Variants in DPYS observed in about 807,000 individuals in gnomAD.
DPYS encodes dihydropyrimidine amidohydrolase.
A neutral mutation model predicts 50.3 loss-of-function variants in DPYS; 39 were observed. That is an observed-to-expected ratio of 0.78 (90% CI 0.60 to 1.01). The LOEUF (loss-of-function observed/expected upper bound fraction) is 1.01, where lower values mean the gene tolerates loss of function less well. Ranked by LOEUF, DPYS falls within the 50% of genes least tolerant of loss-of-function variation. The pLI is 0.00. For synonymous variants in DPYS, 245 were observed against 250.7 expected, an observed-to-expected ratio of 0.98 and a Z score of 0.22; for missense variants, 659 against 680.9, an observed-to-expected ratio of 0.97 and a Z score of 0.36.
chr8:104,398,852 C>G (rs936000529), intron 7 of DPYS, among the ~76,000 whole-genome samples: 1 of 152,124 alleles, frequency 6.6e-6, no homozygotes, highest in African/African-American at 2.4e-5. Flanking sequence ...TGTAACTTGC[C>G]CAAAGTGGCT....
intron 4 of DPYS, among the ~76,000 whole-genome samples, chr8:104,442,291 A>C (rs537306417): frequency 8.5e-5 from 13 of 152,334 alleles, no homozygotes; most frequent in Non-Finnish European, 1.9e-4. Flanking sequence ...TTTGCTCCTA[A>C]TGGAATTCTA....
At chr8:104,397,401 T>C (rs180729509) in intron 7 of DPYS, among the ~76,000 whole-genome samples, 191 of 152,312 alleles carry the variant, frequency 1.3e-3, no homozygotes, top group African/African-American at 3.2e-3. Context: ...AATTAAAAGA[T>C]TGCATGATTG....
chr8:104,460,458 C>T (rs183853144), intron 1 of DPYS, among the ~76,000 whole-genome samples: 119 of 152,276 alleles, frequency 7.8e-4, no homozygotes, highest in African/African-American at 2.7e-3. Flanking sequence ...GAGGCCTCCC[C>T]GGTCATGCCT....
intron 7 of DPYS, among the ~76,000 whole-genome samples, chr8:104,395,741 G>T (rs1811561565): frequency 6.6e-6 from 1 of 151,988 alleles, no homozygotes; most frequent in Non-Finnish European, 1.5e-5. Flanking sequence ...TGATGAATAT[G>T]AATAGAACTG....
chr8:104,441,083 C>T (rs1324961924), intron 4 of DPYS, among the ~76,000 whole-genome samples: 1 of 152,102 alleles, frequency 6.6e-6, no homozygotes, highest in African/African-American at 2.4e-5. Flanking sequence ...GATCCCATGC[C>T]TTGGTCACAT....
chr8:104,402,287 T>C (rs539128232), intron 7 of DPYS, among the ~76,000 whole-genome samples: 12 of 152,360 alleles, frequency 7.9e-5, no homozygotes, highest in Admixed American at 7.8e-4. Flanking sequence ...GATTTCCACT[T>C]AGCATAAATA....
chr8:104,429,336 C>T (rs1812865320), intron 5 of DPYS: 4 of 596,262 alleles, frequency 6.7e-6, no homozygotes, highest in Admixed American at 3.0e-5. Flanking sequence ...GATCTGATTT[C>T]TGAGAGTCTA....
At chr8:104,464,523 C>A (rs1416776805) in intron 1 of DPYS, among the ~76,000 whole-genome samples, 4 of 152,202 alleles carry the variant, frequency 2.6e-5, no homozygotes, top group Non-Finnish European at 5.9e-5. Context: ...TAGCAGCTCC[C>A]CACCTTGCAG....
At chr8:104,458,198 A>G (rs1813996702) in intron 1 of DPYS, among the ~76,000 whole-genome samples, 1 of 152,212 alleles carries the variant, frequency 6.6e-6, no homozygotes. Context: ...CTGCCCAGCC[A>G]TATCTGCCAC....
intron 7 of DPYS, among the ~76,000 whole-genome samples, chr8:104,409,231 T>C (rs1428479634): frequency 6.6e-6 from 1 of 150,706 alleles, no homozygotes; most frequent in Non-Finnish European, 1.5e-5. Flanking sequence ...ATGCCTATAA[T>C]CCCAGCACTT....
intron 8 of DPYS, among the ~76,000 whole-genome samples, chr8:104,388,500 AT>A (rs1384164628): frequency 6.6e-6 from 1 of 152,244 alleles, no homozygotes; most frequent in African/African-American, 2.4e-5. Context: ...AGAGCTATAT[AT>A]TTTTTGTAAA....
chr8:104,421,113 T>G (rs2140608981), intron 7 of DPYS: 1 of 152,286 alleles, frequency 6.6e-6, no homozygotes, highest in East Asian at 1.9e-4. Context: ...CTCTGGGGCC[T>G]ATGCTGGTTT....
chr8:104,444,291 C>T lies in DPYS; in HGVS notation c.750G>A (p.Met250Ile), dbSNP rs751371011. The change falls in exon 4 of 10, where the codon ATG becomes ATA. Residue 250 changes from methionine (M) to isoleucine (I), a missense_variant. By Grantham distance (10) the Met-to-Ile change is conservative (BLOSUM62 1). Coordinates refer to ENST00000351513, the MANE Select transcript of DPYS (RefSeq NM_001385.3). ...CTATCACCTTAGCTGCAGACTTGCTCATCACATGCACAATGTAGAGAGGAC... is the reference window on the plus strand; with the variant it reads ...CTATCACCTTAGCTGCAGACTTGCTTATCACATGCACAATGTAGAGAGGAC... ...VNCPLYIVHV[M>I]SKSAAKVIAD... 1.4e-5 allele frequency: 22 copies of T among 1,614,116 alleles called. No homozygotes were observed. The highest frequency in any genetic ancestry group is 2.5e-6 in the Non-Finnish European group (3 of 1,180,062).
intron 1 of DPYS, among the ~76,000 whole-genome samples, chr8:104,465,180 A>G (rs1181740940): frequency 1.3e-5 from 2 of 152,038 alleles, no homozygotes. Context: ...ACTGTCAGAA[A>G]TCAGTATATG....
At chr8:104,388,416 CT>C (rs1811280825) in intron 8 of DPYS, among the ~76,000 whole-genome samples, 1 of 152,072 alleles carries the variant, frequency 6.6e-6, no homozygotes, top group Admixed American at 6.6e-5. Flanking sequence ...AATGTCTGTA[CT>C]TTCACATTTT....
chr8:104,455,223 T>A (rs950014117), intron 1 of DPYS, among the ~76,000 whole-genome samples: 8 of 152,178 alleles, frequency 5.3e-5, no homozygotes, highest in Non-Finnish European at 1.2e-4. Flanking sequence ...AGGGTTGGAA[T>A]CTGAGTCATC....
intron 8 of DPYS, 132 bp from the exon 9 acceptor site, chr8:104,381,446 C>G (rs1181360547): frequency 3.6e-6 from 3 of 827,236 alleles, no homozygotes; most frequent in Non-Finnish European, 5.9e-6. Flanking sequence ...TCCCCATCCC[C>G]TTGGCCTTTC....
At chr8:104,383,904 G>A (rs1386767931) in intron 8 of DPYS, among the ~76,000 whole-genome samples, 1 of 152,108 alleles carries the variant, frequency 6.6e-6, no homozygotes, top group African/African-American at 2.4e-5. Context: ...GCCTGGCCTG[G>A]GCTGTACTTT....
At chr8:104,386,727 A>G (rs1221060042) in intron 8 of DPYS, among the ~76,000 whole-genome samples, 1 of 151,850 alleles carries the variant, frequency 6.6e-6, no homozygotes. Context: ...TTCTGAGTTC[A>G]AATGATTCTT....
Sources: allele counts gnomAD v4.1 joint callset (sites outside exome capture counted in the v4.1 genomes callset), GRCh38; gene constraint gnomAD v4.1.1; transcripts MANE v1.5; gene names NCBI Gene and HGNC (gene_info 2026-07-23, HGNC 2026-07-21).